CES5A: variants seen among roughly 807,000 people sequenced by gnomAD.
CES5A encodes carboxylesterase 5.
CES5A carries 67 observed loss-of-function variants against 62.9 expected under a neutral mutation model. The observed-to-expected ratio is 1.07, with a 90% confidence interval of 0.88 to 1.31. The LOEUF is 1.31. CES5A is among the 50% of genes most tolerant of loss of function. The pLI is 0.00. For synonymous variants in CES5A, 296 were observed against 280.8 expected (o/e 1.05, Z -0.54); for missense variants, 748 against 708.5 (o/e 1.06, Z -0.63).
intron 2 of CES5A, among the ~76,000 whole-genome samples, chr16:55,947,307 A>G (rs933776306): frequency 2.0e-5 from 3 of 152,174 alleles, no homozygotes. Context: ...CTGATACGAA[A>G]AGGGGCTTAT....
intron 1 of CES5A, among the ~76,000 whole-genome samples, chr16:55,911,726 G>T (rs1350775081): frequency 1.3e-5 from 2 of 152,130 alleles, no homozygotes; most frequent in African/African-American, 2.4e-5. Flanking sequence ...GTGACAGAAA[G>T]GTGGGGCCAG....
intron 2 of CES5A, among the ~76,000 whole-genome samples, chr16:55,931,413 G>A (rs1374296621): frequency 2.6e-5 from 4 of 152,182 alleles, no homozygotes; most frequent in East Asian, 1.9e-4. Flanking sequence ...CACAACACAC[G>A]TGGACTCAGT....
intron 2 of CES5A, among the ~76,000 whole-genome samples, chr16:55,938,352 T>C (rs2034400254): frequency 6.6e-6 from 1 of 152,122 alleles, no homozygotes; most frequent in Admixed American, 6.5e-5. Flanking sequence ...GACAACCATT[T>C]CTGTTTGGAG....
intron 1 of CES5A, among the ~76,000 whole-genome samples, chr16:55,921,488 T>C (rs2034203894): frequency 6.6e-6 from 1 of 151,750 alleles, no homozygotes; most frequent in South Asian, 2.1e-4. Context: ...GAAAAAAAAC[T>C]GTCACTCAAA....
Position 55,898,271 on chromosome 16 carries a change from A to G in CES5A, c.-255-24234T>C, listed in dbSNP as rs79978039. Among the ~76,000 whole-genome samples, 413 of 152,310 alleles carry G rather than the reference A, an allele frequency of 2.7e-3. 5 individuals carry two copies. The highest frequency in any genetic ancestry group is 9.4e-3 in the African/African-American group (392 of 41,540). On this transcript the variant is annotated intron_variant, in intron 1 of 12. Coordinates refer to the CES5A transcript ENST00000518005. Reference sequence around the variant, plus strand: ...TTCATACATGTAAAATCACATGTAGATGCATCAAGAAACTCTGAAACGTGG... The same window carrying G: ...TTCATACATGTAAAATCACATGTAGGTGCATCAAGAAACTCTGAAACGTGG...
intron 1 of CES5A, among the ~76,000 whole-genome samples, chr16:55,888,240 G>A (rs1366729875): frequency 6.6e-6 from 1 of 152,266 alleles, no homozygotes; most frequent in East Asian, 1.9e-4. Context: ...TACCATGGGA[G>A]TACAGATTCC....
intron 11 of CES5A, 73 bp downstream of exon 11, chr16:55,849,551 C>A (rs1013112655): frequency 3.7e-5 from 58 of 1,547,290 alleles, no homozygotes; most frequent in Non-Finnish European, 3.5e-6. Context: ...CCCCGAAGTC[C>A]TCCAGGCGCT....
chr16:55,908,443 C>T (rs2142447953), intron 1 of CES5A, among the ~76,000 whole-genome samples: 1 of 152,300 alleles, frequency 6.6e-6, no homozygotes, highest in African/African-American at 2.4e-5. Flanking sequence ...TCACCGCAAC[C>T]TCCACTTCCT....
chr16:55,919,555 C>T (rs2034181027), intron 1 of CES5A, among the ~76,000 whole-genome samples: 1 of 152,216 alleles, frequency 6.6e-6, no homozygotes, highest in Non-Finnish European at 1.5e-5. Flanking sequence ...GGTGACCTCC[C>T]TTTGTCTCTT....
intron 4 of CES5A, among the ~76,000 whole-genome samples, chr16:55,866,927 AG>A (rs2033477808): frequency 6.6e-6 from 1 of 152,148 alleles, no homozygotes; most frequent in African/African-American, 2.4e-5. Context: ...AAGGGCTTTA[AG>A]GCTAATACTC....
chr16:55,944,909 G>A (rs1014314222), intron 2 of CES5A, among the ~76,000 whole-genome samples: 1 of 152,184 alleles, frequency 6.6e-6, no homozygotes, highest in African/African-American at 2.4e-5. Flanking sequence ...TGGAGTAAGT[G>A]GGACCCAGAC....
chr16:55,913,013 G>A (rs2034110252), intron 1 of CES5A, among the ~76,000 whole-genome samples: 1 of 152,164 alleles, frequency 6.6e-6, no homozygotes, highest in Non-Finnish European at 1.5e-5. Flanking sequence ...GATTTATCAA[G>A]ACAGGGGAAT....
chr16:55,921,570 T>C (rs1376821588), intron 1 of CES5A, among the ~76,000 whole-genome samples: 1 of 144,198 alleles, frequency 6.9e-6, no homozygotes, highest in Non-Finnish European at 1.5e-5. Context: ...AACCAAAAGC[T>C]GAGAGAATTC....
chr16:55,928,335 C>T (rs115202421), upstream of CES5A, among the ~76,000 whole-genome samples: 1,161 of 152,156 alleles, frequency 7.6e-3, 17 homozygotes, highest in African/African-American at 0.026. Flanking sequence ...CCAAATACTG[C>T]GTGTTCTCAC....
upstream of CES5A, among the ~76,000 whole-genome samples, chr16:55,927,250 C>G (rs1484436101): frequency 6.6e-6 from 1 of 151,994 alleles, no homozygotes; most frequent in African/African-American, 2.4e-5. Context: ...GCAATATAAT[C>G]AAAAATAATA....
chr16:55,927,546 G>A (rs750891639), upstream of CES5A, among the ~76,000 whole-genome samples: 99 of 152,142 alleles, frequency 6.5e-4, no homozygotes, highest in Non-Finnish European at 1.3e-3. Flanking sequence ...TCAGGAAAAT[G>A]CAAATTAAAA....
In CES5A at chr16:55,936,965, G is replaced by A. The variant is rs72810543; in HGVS notation, c.160+12820C>T. 8.0e-3 allele frequency among the ~76,000 whole-genome samples: 1,218 copies of A among 152,224 alleles called. 6 individuals are homozygous for A. Among genetic ancestry groups the A allele is most frequent in the Middle Eastern group, 0.014 (4 of 294 alleles). ...TAATTATACTCCCTTGACAGATGAG[G>A]AAACTGAGGCACACAGATGTTAAGT... On this transcript the variant is annotated intron_variant, in intron 2 of 13. Transcript: ENST00000521992.
chr16:55,885,062 T>C (rs1301299414), intron 1 of CES5A, among the ~76,000 whole-genome samples: 2 of 152,214 alleles, frequency 1.3e-5, no homozygotes. Flanking sequence ...TATCTGCTCA[T>C]TAACAGCTCT....
At chr16:55,853,457 C>G (rs2033171951) in intron 9 of CES5A, among the ~76,000 whole-genome samples, 1 of 152,222 alleles carries the variant, frequency 6.6e-6, no homozygotes, top group African/African-American at 2.4e-5. Flanking sequence ...TAGGACCCTT[C>G]TGAGCAACAA....
Sources: gnomAD v4.1 joint callset for allele counts (sites outside exome capture counted in the v4.1 genomes callset) on GRCh38, gnomAD v4.1.1 for gene constraint, MANE v1.5 for transcripts, NCBI Gene and HGNC (gene_info 2026-07-23, HGNC 2026-07-21) for gene names.